The following MAD1L1 variants were observed in gnomAD, a reference collection of about 807,000 sequenced individuals.
MAD1L1 encodes the protein mitotic spindle assembly checkpoint protein MAD1.
In MAD1L1, 95 loss-of-function variants were observed where a neutral mutation model predicts 96.9. The observed-to-expected ratio is 0.98, with a 90% CI of 0.83 to 1.16. MAD1L1 has a LOEUF of 1.16. MAD1L1 is among the 50% of genes most tolerant of loss of function. The pLI, the probability that MAD1L1 is intolerant of heterozygous loss-of-function variation, is 0.00. For missense variants in MAD1L1, 1,007 were observed against 954.4 expected, an observed-to-expected ratio of 1.06 and a Z score of -0.73; for synonymous variants, 473 against 396.6, an observed-to-expected ratio of 1.19 and a Z score of -2.29.
chr7:2,057,145 GC>G (rs1482643552), intron 12 of MAD1L1, among the ~76,000 whole-genome samples: 1 of 152,214 alleles, frequency 6.6e-6, no homozygotes, highest in Non-Finnish European at 1.5e-5. Context: ...CTAGAGAGGG[GC>G]CCTTGAGCTC....
chr7:2,064,373 A>C (rs1784789332), intron 12 of MAD1L1, among the ~76,000 whole-genome samples: 1 of 152,018 alleles, frequency 6.6e-6, no homozygotes, highest in Non-Finnish European at 1.5e-5. Context: ...TCCCTGAGCT[A>C]AGCCTGGCTC....
At chr7:1,871,046 T>C in intron 18 of MAD1L1, among the ~76,000 whole-genome samples, 3 of 138,888 alleles carry the variant, frequency 2.2e-5, no homozygotes, top group Non-Finnish European at 4.6e-5. Flanking sequence ...CCTGCCACGT[T>C]GAACCTACCG....
intron 10 of MAD1L1, among the ~76,000 whole-genome samples, chr7:2,169,842 T>C (rs13231723): frequency 0.034 from 3,534 of 103,742 alleles, 490 homozygotes; most frequent in African/African-American, 0.19. Context: ...AAAGGCCCAC[T>C]GGGGGCACTC....
chr7:2,014,590 G>A lies in MAD1L1; in HGVS notation c.1271C>T (p.Pro424Leu), dbSNP rs763991832. The A allele has an allele frequency of 6.6e-5, 107 of 1,612,180 alleles. No individual in the cohort carries two copies. Among genetic ancestry groups the A allele is most frequent in the Middle Eastern group, 1.7e-4 (1 of 6,050 alleles). ...ILGSYDSELT[P>L]AEYSPQLTRR... ...CGTCAGCTGGGGTGAGTACTCGGCC[G>A]GGGTCAGCTCGCTGTCGTAGGACCC... Residue 424 changes from proline (P) to leucine (L), a missense_variant, in exon 13 of 19, where the codon CCG becomes CTG. Transcript: ENST00000265854.
At chr7:2,162,710 A>C (rs1180822537) in intron 10 of MAD1L1, among the ~76,000 whole-genome samples, 12 of 91,682 alleles carry the variant, frequency 1.3e-4, no homozygotes, top group Admixed American at 2.3e-4. Flanking sequence ...ACCACTCACA[A>C]AAAAAAAAAA....
chr7:2,206,487 G>A lies in MAD1L1; in HGVS notation c.986+6725C>T, dbSNP rs377085410. ...AAATCTTGTGTCCAGCATGAGACAG[G>A]TGTTAAGGCTCATCCTCACCACGAA... is the stretch of plus-strand genomic sequence containing the variant. On this transcript the variant is annotated intron_variant, in intron 10 of 18. Transcript: ENST00000265854. 6.2e-4 allele frequency among the ~76,000 whole-genome samples: 95 copies of A among 152,326 alleles called. 2 individuals are homozygous for A. In the South Asian group the frequency reaches 0.019, roughly 30 times the overall value.
intron 18 of MAD1L1, among the ~76,000 whole-genome samples, chr7:1,851,823 G>A (rs1019469501): frequency 6.6e-6 from 1 of 152,138 alleles, no homozygotes; most frequent in African/African-American, 2.4e-5. Flanking sequence ...GCCTGCCAAA[G>A]GCCAGGCCTC....
At chr7:1,896,011 C>A (rs550683065) in intron 18 of MAD1L1, among the ~76,000 whole-genome samples, 38 of 152,134 alleles carry the variant, frequency 2.5e-4, no homozygotes, top group Admixed American at 2.0e-3. Context: ...CCAGGCCAGA[C>A]CCCTGCAGGA....
chr7:1,941,954 C>T (rs559220956), intron 16 of MAD1L1, among the ~76,000 whole-genome samples: 88 of 152,322 alleles, frequency 5.8e-4, no homozygotes, highest in Non-Finnish European at 1.1e-3. Context: ...CCCTGCCTAA[C>T]GCCTGGAGAA....
chr7:2,073,728 G>C (rs779141415), intron 11 of MAD1L1, among the ~76,000 whole-genome samples: 1 of 152,228 alleles, frequency 6.6e-6, no homozygotes, highest in Non-Finnish European at 1.5e-5. Flanking sequence ...GCATAGGGGC[G>C]TGGGGCTGAG....
Position 2,009,035 on chromosome 7 carries a change from G to A in MAD1L1, c.1359+5467C>T, listed in dbSNP as rs537037412. ...CCCAGCGCAGCCACGCCCCGGCCCC[G>A]CAACCCTGGCACCGAGTGACCAGGG... On this transcript the variant is annotated intron_variant, in intron 13 of 18. Coordinates refer to ENST00000265854, the MANE Select transcript of MAD1L1 (RefSeq NM_001013836.2). 2.7e-4 allele frequency among the ~76,000 whole-genome samples: 41 copies of A among 152,256 alleles called. No individual in the cohort carries two copies. In the South Asian group the frequency reaches 6.6e-3, roughly 25 times the overall value.
intron 17 of MAD1L1, among the ~76,000 whole-genome samples, chr7:1,924,789 A>T (rs537230516): frequency 6.6e-6 from 1 of 152,368 alleles, no homozygotes; most frequent in East Asian, 1.9e-4. Context: ...ACATATAGAG[A>T]GTAAGTACAT....
intron 11 of MAD1L1, among the ~76,000 whole-genome samples, chr7:2,083,595 C>T (rs73285707): frequency 0.019 from 2,958 of 152,284 alleles, 100 homozygotes; most frequent in African/African-American, 0.067. Context: ...TGTCGGGAGA[C>T]TCCAGACGTA....
intron 11 of MAD1L1, among the ~76,000 whole-genome samples, chr7:2,102,273 A>G: frequency 1.4e-5 from 2 of 139,758 alleles, no homozygotes; most frequent in Non-Finnish European, 3.2e-5. Context: ...CACCATCACT[A>G]TCACCACCAC....
chr7:1,893,043 A>G (rs1786645571), intron 18 of MAD1L1, among the ~76,000 whole-genome samples: 2 of 152,190 alleles, frequency 1.3e-5, no homozygotes, highest in Admixed American at 6.5e-5. Context: ...CCAGGAGCTG[A>G]GCCTCCCCGC....
At chr7:1,850,546 C>T (rs1414480493) in intron 18 of MAD1L1, among the ~76,000 whole-genome samples, 3 of 152,230 alleles carry the variant, frequency 2.0e-5, no homozygotes, top group Non-Finnish European at 4.4e-5. Flanking sequence ...GATCTCACTG[C>T]CCCGAGCCTG....
At chr7:1,974,161 C>T (rs1336878861) in intron 15 of MAD1L1, among the ~76,000 whole-genome samples, 1 of 152,200 alleles carries the variant, frequency 6.6e-6, no homozygotes, top group Non-Finnish European at 1.5e-5. Context: ...CTGCTCAGCC[C>T]CCAGGAGCTG....
At chr7:2,141,847 G>A (rs888410737) in intron 11 of MAD1L1, among the ~76,000 whole-genome samples, 1 of 152,224 alleles carries the variant, frequency 6.6e-6, no homozygotes, top group Non-Finnish European at 1.5e-5. Flanking sequence ...TGGCTCCCGG[G>A]ACAGGTGCCG....
Position 1,937,517 on chromosome 7 carries a change from G to A in MAD1L1, c.1597-620C>T, listed in dbSNP as rs565004237. Among the ~76,000 whole-genome samples the A allele has an allele frequency of 4.6e-5, 7 of 152,226 alleles. No homozygotes were observed. The South Asian group carries it at 6.2e-4, about 14-fold the overall frequency. ...GCCTGCTGACCTGTGGTGGGTGACCGACCCCCAGCAACAAGCACCATGCAG... is the reference window on the plus strand; with the variant it reads ...GCCTGCTGACCTGTGGTGGGTGACCAACCCCCAGCAACAAGCACCATGCAG... On this transcript the variant is annotated intron_variant, in intron 16 of 18. Coordinates refer to ENST00000265854, the MANE Select transcript of MAD1L1 (RefSeq NM_001013836.2).
Sources: allele counts gnomAD v4.1 joint callset (sites outside exome capture counted in the v4.1 genomes callset), GRCh38; gene constraint gnomAD v4.1.1; transcripts MANE v1.5; gene names NCBI Gene and HGNC (gene_info 2026-07-23, HGNC 2026-07-21).